TG: variants seen among roughly 807,000 people sequenced by gnomAD.
TG encodes thyroid hormones.
A neutral mutation model predicts 324.7 loss-of-function variants in TG; 270 were observed. The observed-to-expected ratio is 0.83, with a 90% CI of 0.75 to 0.92. The LOEUF (loss-of-function observed/expected upper bound fraction) is 0.92. Among genes scored for constraint, TG ranks in the 40% least tolerant of loss-of-function variants. TG has a pLI of 0.00. For synonymous variants in TG, 1,401 were observed against 1,327.0 expected (o/e 1.06, Z -1.21); for missense variants, 3,591 against 3,456.4 (o/e 1.04, Z -0.98).
At chr8:133,039,311 T>C (rs1837718311) in intron 41 of TG, among the ~76,000 whole-genome samples, 1 of 152,232 alleles carries the variant, frequency 6.6e-6, no homozygotes, top group African/African-American at 2.4e-5. Flanking sequence ...ACTTAACCCG[T>C]CTGAACTGCT....
At chr8:133,005,426 C>T (rs1256767663) in intron 35 of TG, among the ~76,000 whole-genome samples, 2 of 152,144 alleles carry the variant, frequency 1.3e-5, no homozygotes, top group Admixed American at 6.5e-5. Flanking sequence ...CTGAGAGCCC[C>T]ATCATTTTGA....
At chr8:133,043,944 G>A (rs1838804870) in intron 41 of TG, among the ~76,000 whole-genome samples, 1 of 152,162 alleles carries the variant, frequency 6.6e-6, no homozygotes. Flanking sequence ...TGTTCCGCTG[G>A]GTAAAAGTGG....
At chr8:133,014,837 G>A (rs559171510) in intron 37 of TG, among the ~76,000 whole-genome samples, 10 of 152,272 alleles carry the variant, frequency 6.6e-5, no homozygotes, top group South Asian at 4.2e-4. Flanking sequence ...GCCCTCAATC[G>A]TAAGTCTTGC....
rs150482269 is a variant in TG, at chr8:132,996,044, G to A, written c.6262+12632G>A. On this transcript the variant is annotated intron_variant, in intron 35 of 47. Coordinates refer to ENST00000220616, the MANE Select transcript of TG (RefSeq NM_003235.5). ...ATATGGAGGAGGTGGCAGCTGTGGG[G>A]CAGTGGGGATTGAGAGGGAGTAGTC... 7.3e-3 allele frequency among the ~76,000 whole-genome samples: 1,110 copies of A among 152,224 alleles called. 3 individuals carry two copies. The highest frequency in any genetic ancestry group is 0.011 in the Non-Finnish European group (762 of 68,004).
chr8:133,057,811 A>G (rs4736620), intron 41 of TG, among the ~76,000 whole-genome samples: 75,822 of 151,108 alleles, frequency 0.5, 19,403 homozygotes, highest in African/African-American at 0.55. Flanking sequence ...GGGTAAAGCC[A>G]TGTTCCAAGG....
intron 35 of TG, chr8:132,988,853 C>A: frequency 2.0e-6 from 2 of 985,386 alleles, no homozygotes; most frequent in Non-Finnish European, 2.4e-6. Flanking sequence ...GGACAACGAG[C>A]ATTCAGCTTG....
At chr8:133,040,348 C>T in intron 41 of TG, 1 of 554,410 alleles carries the variant, frequency 1.8e-6, no homozygotes, top group East Asian at 2.9e-5. Flanking sequence ...CTGCACTTAG[C>T]CAGGCATGGG....
intron 41 of TG, among the ~76,000 whole-genome samples, chr8:133,068,253 A>C (rs976923153): frequency 6.6e-6 from 1 of 152,200 alleles, no homozygotes; most frequent in African/African-American, 2.4e-5. Context: ...ATGCCCATCT[A>C]TCTGTCAACC....
chr8:132,935,806 C>T lies in TG; in HGVS notation c.4983C>T (p.Arg1661=). 1 of 1,612,908 alleles carries T rather than the reference C, an allele frequency of 6.2e-7. No individual in the cohort carries two copies. The highest frequency in any genetic ancestry group is 2.2e-5 in the East Asian group (1 of 44,866). The change falls in exon 25 of 48, where the codon CGC becomes CGT. Residue 1661 remains arginine, a synonymous_variant. Transcript: ENST00000220616. The part of the protein sequence containing the change: ...NSKATSFGSL[R]CQVKVRSHGQ... ...AGGCCACCAGCTTTGGAAGTCTTCG[C>T]TGCCAGGTGAAAGTGAGGAGCCATG...
chr8:132,936,537 A>G (rs1012730636), intron 25 of TG, among the ~76,000 whole-genome samples: 65 of 152,190 alleles, frequency 4.3e-4, no homozygotes, highest in African/African-American at 1.5e-3. Flanking sequence ...CGTACTGTAT[A>G]GTTTATGACT....
intron 32 of TG, among the ~76,000 whole-genome samples, chr8:132,970,280 T>C (rs181231029): frequency 1.1e-4 from 16 of 152,258 alleles, no homozygotes; most frequent in Admixed American, 9.1e-4. Flanking sequence ...TAATTGAAGA[T>C]GATGTCTCTC....
intron 41 of TG, among the ~76,000 whole-genome samples, chr8:133,043,179 G>A (rs1838640211): frequency 6.6e-6 from 1 of 152,150 alleles, no homozygotes; most frequent in Non-Finnish European, 1.5e-5. Context: ...GAAGGCGCCA[G>A]TGCTGCACTG....
intron 45 of TG, among the ~76,000 whole-genome samples, chr8:133,130,504 G>A (rs571022081): frequency 2.0e-4 from 31 of 152,312 alleles, no homozygotes; most frequent in Middle Eastern, 3.4e-3. Context: ...ACTGAGGATG[G>A]AGGAAGGCAG....
rs1369890903 is a variant in TG at position 132,972,596 on chromosome 8, A to T, written c.6056-2A>T. On this transcript the variant is annotated splice_acceptor_variant, in intron 33 of 47. Transcript: ENST00000220616. LOFTEE classifies it high-confidence loss of function. ...TTTTTGTTTTTTTTTTTTCCACCCC[A>T]GGAGGAGAGGTGACATGTCTCACTC... The T allele has an allele frequency of 6.9e-7, 1 of 1,454,026 alleles. No individual in the cohort carries two copies. The highest frequency in any genetic ancestry group is 9.4e-7 in the Non-Finnish European group (1 of 1,064,540). 90.1% of individuals were successfully genotyped at this position (1,454,026 alleles called of 1,614,324 possible). A position where few individuals can be genotyped will look rare whatever the true frequency, so the allele number is the denominator to read the frequency against.
chr8:132,983,177 T>C (rs1175171040), intron 34 of TG, among the ~76,000 whole-genome samples, 173 bp from the exon 35 acceptor site: 2 of 152,118 alleles, frequency 1.3e-5, no homozygotes, highest in African/African-American at 4.8e-5. Flanking sequence ...ATGTTGAGAT[T>C]GTTTGTTAGC....
intron 26 of TG, among the ~76,000 whole-genome samples, chr8:132,943,458 T>A (rs546426654): frequency 6.6e-6 from 1 of 152,278 alleles, no homozygotes; most frequent in East Asian, 1.9e-4. Flanking sequence ...CTTTACTTTA[T>A]AAATTACCCG....
At chr8:133,039,238 A>C (rs1837695760) in intron 41 of TG, among the ~76,000 whole-genome samples, 2 of 152,300 alleles carry the variant, frequency 1.3e-5, no homozygotes, top group South Asian at 4.1e-4. Flanking sequence ...AACTGCAATT[A>C]TTCTAACCCA....
At chr8:133,123,394 G>A (rs540904428) in intron 45 of TG, among the ~76,000 whole-genome samples, 1 of 152,216 alleles carries the variant, frequency 6.6e-6, no homozygotes, top group Non-Finnish European at 1.5e-5. Flanking sequence ...CACATGCAGA[G>A]GGGCTCTGGC....
intron 3 of TG, among the ~76,000 whole-genome samples, chr8:132,870,058 G>A (rs1839340717): frequency 1.3e-5 from 2 of 152,160 alleles, no homozygotes; most frequent in African/African-American, 4.8e-5. Flanking sequence ...CCTCCCATGA[G>A]CCACATGCTG....
Sources: gnomAD v4.1 joint callset for allele counts (sites outside exome capture counted in the v4.1 genomes callset) on GRCh38, gnomAD v4.1.1 for gene constraint, MANE v1.5 for transcripts, NCBI Gene and HGNC (gene_info 2026-07-23, HGNC 2026-07-21) for gene names.